MED23: variants seen among roughly 807,000 people sequenced by gnomAD.
MED23 encodes the protein mediator complex subunit 23.
MED23 carries 105 observed loss-of-function variants against 163.9 expected under a neutral mutation model. The ratio of observed to expected loss-of-function variants is 0.64; its 90% CI spans 0.55 to 0.75. MED23 has a LOEUF of 0.75. Among genes scored for constraint, MED23 ranks in the 30% least tolerant of loss-of-function variants. The pLI is 0.00. For missense variants in MED23, 1,054 were observed against 1,649.0 expected (o/e 0.64, Z 6.25); for synonymous variants, 561 against 565.6 (o/e 0.99, Z 0.12).
intron 23 of MED23, 70 bp from the exon 24 acceptor site, chr6:131,593,241 C>T: frequency 6.3e-7 from 1 of 1,580,680 alleles, no homozygotes; most frequent in Non-Finnish European, 8.7e-7. Flanking sequence ...TTATGAGCTG[C>T]CAAGAAGTGA....
At position 131,627,687 on chromosome 6, in the gene MED23, A is replaced by C. The variant is rs752552003; in HGVS notation, c.40-15T>G. 239 of 1,601,310 alleles carry C rather than the reference A, an allele frequency of 1.5e-4. No homozygotes were observed. The highest frequency in any genetic ancestry group is 1.9e-4 in the Non-Finnish European group (219 of 1,175,744). ...ACTTCCGTTTTCTGTAAAAAAAAAA[A>C]AAACAAAATGTAAACAATGTTAATT... On this transcript the variant is annotated splice_polypyrimidine_tract_variant and intron_variant, in intron 1 of 28. Coordinates refer to ENST00000368068, the MANE Select transcript of MED23 (RefSeq NM_004830.4).
chr6:131,577,869 AC>A (rs1773698767), intron 30 of MED23, among the ~76,000 whole-genome samples: 1 of 149,488 alleles, frequency 6.7e-6, no homozygotes, highest in African/African-American at 2.5e-5. Flanking sequence ...GCGCCACTGC[AC>A]CCCAACCTGG....
chr6:131,574,150 A>G, exon 31 of MED23: 1 of 1,009,318 alleles, frequency 9.9e-7, no homozygotes, highest in Non-Finnish European at 1.6e-6. Flanking sequence ...CTGTGCTTAA[A>G]GAGGATAAAA....
At chr6:131,581,931 A>T (rs1339577771), downstream of MED23, among the ~76,000 whole-genome samples, 6 of 152,260 alleles carry the variant, frequency 3.9e-5, no homozygotes, top group Admixed American at 3.9e-4. Flanking sequence ...CTCCTTTTCT[A>T]AAAGATGGAA....
chr6:131,627,543 C>G (rs1777602121), intron 2 of MED23, 60 bp from the exon 3 acceptor site: 12 of 1,585,826 alleles, frequency 7.6e-6, no homozygotes, highest in Non-Finnish European at 7.8e-6. Flanking sequence ...TACACACAAT[C>G]AGAATAGTGG....
downstream of MED23, among the ~76,000 whole-genome samples, chr6:131,586,261 G>A (rs146864378): frequency 0.019 from 2,927 of 152,086 alleles, 103 homozygotes; most frequent in African/African-American, 0.065. Context: ...TTAGCCAGGC[G>A]TGGTGGCAGG....
chr6:131,586,675 C>A, downstream of MED23: 1 of 1,261,112 alleles, frequency 7.9e-7, no homozygotes, highest in Non-Finnish European at 1.0e-6. Flanking sequence ...ACCCCATTTC[C>A]AACTGACCCC....
At chr6:131,600,217 A>G in intron 17 of MED23, 55 bp from the exon 18 acceptor site, 1 of 1,476,944 alleles carries the variant, frequency 6.8e-7, no homozygotes. Flanking sequence ...TCCACAATTC[A>G]TAAAAGATTA....
At position 131,604,233 on chromosome 6, in the gene MED23, G is replaced by GT; in HGVS notation, c.1700dup (p.Tyr567Ter). The GT allele has an allele frequency of 1.2e-6, 2 of 1,613,810 alleles. No individual in the cohort carries two copies. The highest frequency in any genetic ancestry group is 1.1e-5 in the South Asian group (1 of 91,084). The part of the protein sequence containing the change: ...VALAPALVET[Y>*]SRLLVYMEIE... ...TTTCCATATAGACCAATAAACGACT[G>GT]TAAGTTTCCACTAGGGCTGGAGCCA... Residue 567 changes from tyrosine (Y) to a stop codon, truncating the protein, a stop_gained and frameshift_variant, in exon 15 of 29, where the codon TAC becomes TAAC. Coordinates refer to ENST00000368068, the MANE Select transcript of MED23 (RefSeq NM_004830.4). LOFTEE classifies it high-confidence loss of function.
At position 131,591,315 on chromosome 6, in the gene MED23, T is replaced by G. The variant is rs76412679; in HGVS notation, c.3684A>C (p.Pro1228=). ...CTTTAAGAAATTATTATACTTACTT[T>G]GGAATGAGAGAAAGTTGTCCGATGC... is the stretch of plus-strand genomic sequence containing the variant. ...HSSIGQLSLI[P]KFLTEVLLPI... Residue 1228 remains proline (P), a splice_region_variant and synonymous_variant, in exon 26 of 29, where the codon CCA becomes CCC. Transcript: ENST00000368068. 2.5e-6 allele frequency: 4 copies of G among 1,606,760 alleles called. No individual in the cohort carries two copies. Among genetic ancestry groups the G allele is most frequent in the Admixed American group, 3.3e-5 (2 of 59,994 alleles).
chr6:131,583,192 G>A (rs558953418), downstream of MED23: 10 of 1,578,998 alleles, frequency 6.3e-6, no homozygotes, highest in African/African-American at 1.1e-4. Flanking sequence ...GTGCACACAT[G>A]TGTGTGCAAC....
Position 131,622,019 on chromosome 6 carries a change from G to A in MED23, c.397-40C>T, listed in dbSNP as rs371001918. The A allele has an allele frequency of 2.2e-5, 31 of 1,431,268 alleles. No individual in the cohort carries two copies. In the African/African-American group the frequency reaches 3.8e-4, roughly 17 times the overall value. 88.7% of individuals were successfully genotyped at this position (1,431,268 alleles called of 1,614,324 possible). ...AAGACATGGGTTAAAATTAAGTAGT[G>A]TCTACTGTGTTAGCTAAAACGTCCG... On this transcript the variant is annotated intron_variant, in intron 5 of 28. Coordinates refer to ENST00000368068, the MANE Select transcript of MED23 (RefSeq NM_004830.4).
rs1260014793 is a variant in MED23 at position 131,593,130 on chromosome 6, A to C, written c.3274T>G (p.Trp1092Gly). The change falls in exon 24 of 29, where the codon TGG becomes GGG. Residue 1092 changes from tryptophan to glycine, a missense_variant. Transcript: ENST00000368068. ...KSPGPFPNCD[W>G]RFNEFPNPAA... ...GGGTTGGGAAACTCATTGAATCTCC[A>C]GTCACAGTTTGGAAAGGGACCAGGA... is the stretch of plus-strand genomic sequence containing the variant. 3 of 1,614,210 alleles carry C rather than the reference A, an allele frequency of 1.9e-6. No individual in the cohort carries two copies. The highest frequency in any genetic ancestry group is 2.5e-6 in the Non-Finnish European group (3 of 1,180,032).
rs753511838 is a variant in MED23 at position 131,591,330 on chromosome 6, T to C, written c.3669A>G (p.Gln1223=). The C allele has an allele frequency of 1.9e-5, 31 of 1,611,790 alleles. No individual in the cohort carries two copies. The Middle Eastern group carries it at 9.9e-4, about 51-fold the overall frequency. The change falls in exon 26 of 29, where the codon CAA becomes CAG. Residue 1223 remains glutamine, a synonymous_variant. Transcript: ENST00000368068. ...ATACTTACTTTGGAATGAGAGAAAGTTGTCCGATGCTAGAATGGTGCCACA... is the reference window on the plus strand; with the variant it reads ...ATACTTACTTTGGAATGAGAGAAAGCTGTCCGATGCTAGAATGGTGCCACA... ...HAVWHHSSIG[Q]LSLIPKFLTE...
intron 10 of MED23, among the ~76,000 whole-genome samples, chr6:131,614,422 A>C (rs1426664614): frequency 6.6e-6 from 1 of 152,210 alleles, no homozygotes; most frequent in African/African-American, 2.4e-5. Context: ...CTAGACAAGA[A>C]CGTCTTTTTA....
chr6:131,588,072 T>C (rs1774307690), intron 28 of MED23, among the ~76,000 whole-genome samples: 4 of 152,206 alleles, frequency 2.6e-5, no homozygotes, highest in Admixed American at 2.6e-4. Flanking sequence ...ATATATTATA[T>C]GTGCATGTCT....
At chr6:131,627,107 T>C (rs1777556270) in intron 3 of MED23, 1 of 341,144 alleles carries the variant, frequency 2.9e-6, no homozygotes, top group Non-Finnish European at 5.3e-6. Flanking sequence ...GTGTACCAAA[T>C]AAATCCGAAT....
At chr6:131,592,297 AG>A (rs1191201759) in intron 25 of MED23, 90 bp downstream of exon 25, 4 of 1,088,362 alleles carry the variant, frequency 3.7e-6, no homozygotes, top group Non-Finnish European at 5.7e-6. Context: ...GTCCCGTACA[AG>A]GGCATCCTAT....
In MED23 at chr6:131,596,670, C is replaced by A; in HGVS notation, c.2626G>T (p.Gly876Ter). 6.2e-7 allele frequency: 1 copy of A among 1,614,038 alleles called. No individual in the cohort carries two copies. Among genetic ancestry groups the A allele is most frequent in the South Asian group, 1.1e-5 (1 of 91,076 alleles). Residue 876 changes from glycine (G) to a stop codon, truncating the protein, a stop_gained, in exon 21 of 29, where the codon GGA becomes TGA. Transcript: ENST00000368068. LOFTEE classifies it high-confidence loss of function. Reference protein sequence around the residue: ...ILCLAMRSHEGNEAQVCYFII... With the variant: ...ILCLAMRSHE ...AAATAACAAACCTGGGCTTCATTTC[C>A]TTCGTGACTACGCATGGCCTTTGAA...
Sources: allele counts gnomAD v4.1 joint callset (sites outside exome capture counted in the v4.1 genomes callset), GRCh38; gene constraint gnomAD v4.1.1; transcripts MANE v1.5; gene names NCBI Gene and HGNC (gene_info 2026-07-23, HGNC 2026-07-21).